The following MACROD2 variants were observed in gnomAD, a reference collection of about 807,000 sequenced individuals.
MACROD2 encodes the protein mono-ADP ribosylhydrolase 2, also known as ADP-ribose glycohydrolase MACROD2.
MACROD2 carries 36 observed loss-of-function variants against 70.4 expected under a neutral mutation model. That is an observed-to-expected ratio of 0.51 (90% CI 0.39 to 0.68). The LOEUF (loss-of-function observed/expected upper bound fraction) is 0.68. Ranked by LOEUF, MACROD2 falls within the 30% of genes least tolerant of loss-of-function variation. The pLI is 0.00. For synonymous variants in MACROD2, 172 were observed against 178.8 expected (o/e 0.96, Z 0.30); for missense variants, 496 against 538.4 (o/e 0.92, Z 0.78).
intron 4 of MACROD2, among the ~76,000 whole-genome samples, chr20:14,629,738 C>T (rs772563165): frequency 6.6e-6 from 1 of 152,152 alleles, no homozygotes; most frequent in Non-Finnish European, 1.5e-5. Context: ...GATGTGCTGT[C>T]AATGAGCTTT....
In MACROD2 at chr20:15,021,248, A is replaced by ATGTATACACACACGTGTG. The variant is rs1555774720; in HGVS notation, c.419-208679_419-208678insGTGTGTGTATACACACAC. ...TGTGCGTATACACACACCTGTGTGT[A>ATGTATACACACACGTGTG]TGTATACACACACCTGTGTGTGTGT... On this transcript the variant is annotated intron_variant, in intron 5 of 17. Transcript: ENST00000684519. 1.1e-4 allele frequency among the ~76,000 whole-genome samples: 6 copies of ATGTATACACACACGTGTG among 53,340 alleles called. 2 individuals carry two copies. Among genetic ancestry groups the ATGTATACACACACGTGTG allele is most frequent in the Non-Finnish European group, 1.7e-4 (5 of 29,818 alleles). The allele number at this position is 53,340 out of a possible 152,430, so 35.0% of individuals were successfully genotyped here.
chr20:15,481,656 G>A (rs1279609468), intron 7 of MACROD2, among the ~76,000 whole-genome samples: 1 of 151,738 alleles, frequency 6.6e-6, no homozygotes, highest in Non-Finnish European at 1.5e-5. Flanking sequence ...TGCTTTCGTT[G>A]TATAGCTAAA....
At chr20:14,904,559 T>A (rs1341862449) in intron 5 of MACROD2, among the ~76,000 whole-genome samples, 1 of 151,978 alleles carries the variant, frequency 6.6e-6, no homozygotes, top group Non-Finnish European at 1.5e-5. Flanking sequence ...TGTGCAGGAG[T>A]TGAACTACAA....
intron 5 of MACROD2, among the ~76,000 whole-genome samples, chr20:14,928,603 C>T (rs541760692): frequency 2.6e-5 from 4 of 152,242 alleles, no homozygotes; most frequent in South Asian, 4.1e-4. Context: ...GCCTGCTGGA[C>T]GGGGAATGTT....
chr20:15,801,522 C>T (rs1271065640), intron 8 of MACROD2, among the ~76,000 whole-genome samples: 1 of 151,664 alleles, frequency 6.6e-6, no homozygotes, highest in East Asian at 1.9e-4. Context: ...AATACATGGA[C>T]TTACTTCTGG....
chr20:15,155,382 C>A (rs1404758039), intron 5 of MACROD2, among the ~76,000 whole-genome samples: 1 of 152,204 alleles, frequency 6.6e-6, no homozygotes. Flanking sequence ...CCTTTATACT[C>A]TAGTGGGACC....
chr20:14,136,374 C>T (rs886102260), intron 3 of MACROD2, among the ~76,000 whole-genome samples: 6 of 152,150 alleles, frequency 3.9e-5, no homozygotes, highest in Non-Finnish European at 8.8e-5. Context: ...GAGGCCGAGA[C>T]AGACCTAGAT....
intron 5 of MACROD2, among the ~76,000 whole-genome samples, chr20:15,055,282 G>A (rs913828579): frequency 6.6e-6 from 1 of 152,098 alleles, no homozygotes; most frequent in Non-Finnish European, 1.5e-5. Flanking sequence ...GATATATAAT[G>A]TAAATTTTAA....
intron 8 of MACROD2, among the ~76,000 whole-genome samples, chr20:15,861,956 G>T (rs2064430415): frequency 6.6e-6 from 1 of 152,026 alleles, no homozygotes; most frequent in African/African-American, 2.4e-5. Context: ...TTTATTTCCA[G>T]GACACAAAAT....
intron 3 of MACROD2, among the ~76,000 whole-genome samples, chr20:14,469,880 T>G (rs929477547): frequency 6.6e-6 from 1 of 152,088 alleles, no homozygotes; most frequent in Non-Finnish European, 1.5e-5. Context: ...AGCACGCTTC[T>G]TTAGCTCGGA....
chr20:14,718,028 C>T (rs562035237), intron 5 of MACROD2, among the ~76,000 whole-genome samples: 45 of 152,102 alleles, frequency 3.0e-4, no homozygotes, highest in African/African-American at 1.1e-3. Flanking sequence ...GGTGCGGTGG[C>T]TCGCGCCTGT....
chr20:14,717,728 C>T (rs1194881426), intron 5 of MACROD2, among the ~76,000 whole-genome samples: 5 of 151,920 alleles, frequency 3.3e-5, no homozygotes, highest in Non-Finnish European at 7.4e-5. Flanking sequence ...TAGAACTGAT[C>T]CTTGAGTCAG....
chr20:15,610,991 CTTTTTTTTT>C (rs34495725), intron 8 of MACROD2, among the ~76,000 whole-genome samples: 5 of 60,086 alleles, frequency 8.3e-5, no homozygotes, highest in East Asian at 5.8e-4. Flanking sequence ...AGCCAAAAAT[CTTTTTTTTT>C]TTTTTTTTTT....
chr20:15,548,923 C>T (rs1335530924), intron 8 of MACROD2, among the ~76,000 whole-genome samples: 1 of 152,180 alleles, frequency 6.6e-6, no homozygotes, highest in African/African-American at 2.4e-5. Context: ...AGCATCAACT[C>T]TCAGTCCGGG....
rs556415775 is a variant in MACROD2, at chr20:15,777,733, C to T, written c.646-85012C>T. Among the ~76,000 whole-genome samples, 7 of 152,130 alleles carry T rather than the reference C, an allele frequency of 4.6e-5. No individual in the cohort carries two copies. In the South Asian group the frequency reaches 6.2e-4, roughly 14 times the overall value. On this transcript the variant is annotated intron_variant, in intron 8 of 17. Transcript: ENST00000684519. ...GATCTTGGCTTACTGCAACCTCTGC[C>T]TCCCAGGTTCAAGCAATTCTCCTGC... is the stretch of plus-strand genomic sequence containing the variant.
intron 6 of MACROD2, among the ~76,000 whole-genome samples, chr20:15,297,832 T>C (rs1440538840): frequency 6.6e-6 from 1 of 152,232 alleles, no homozygotes; most frequent in African/African-American, 2.4e-5. Flanking sequence ...GCATTATTAA[T>C]GACTCTTCTT....
At chr20:14,950,542 G>T (rs915041932) in intron 5 of MACROD2, among the ~76,000 whole-genome samples, 1 of 152,166 alleles carries the variant, frequency 6.6e-6, no homozygotes, top group Non-Finnish European at 1.5e-5. Flanking sequence ...CAATGAACCG[G>T]CAAGAACTAG....
intron 4 of MACROD2, among the ~76,000 whole-genome samples, chr20:14,583,291 GA>G (rs1379419210): frequency 3.9e-5 from 6 of 152,102 alleles, no homozygotes; most frequent in African/African-American, 1.4e-4. Context: ...CCAGAATAAT[GA>G]GGATGTTAAT....
Position 14,636,128 on chromosome 20 carries a change from G to C in MACROD2, c.302-48715G>C, listed in dbSNP as rs539102523. Among the ~76,000 whole-genome samples the C allele has an allele frequency of 2.6e-5, 4 of 152,216 alleles. No homozygotes were observed. The East Asian group carries it at 7.7e-4, about 29-fold the overall frequency. ...TTGCTCATTATATTGCACAGAGCTTGTCACCTATAAGAATAAGAGTTCTAT... is the reference window on the plus strand; with the variant it reads ...TTGCTCATTATATTGCACAGAGCTTCTCACCTATAAGAATAAGAGTTCTAT... On this transcript the variant is annotated intron_variant, in intron 4 of 17. Transcript: ENST00000684519.
Sources: gnomAD v4.1 joint callset for allele counts (sites outside exome capture counted in the v4.1 genomes callset) on GRCh38, gnomAD v4.1.1 for gene constraint, MANE v1.5 for transcripts, NCBI Gene and HGNC (gene_info 2026-07-23, HGNC 2026-07-21) for gene names.